GPC5: variants seen among roughly 807,000 people sequenced by gnomAD.
GPC5 encodes glypican-5.
In GPC5, 47 loss-of-function variants were observed where a neutral mutation model predicts 53.9. The observed-to-expected ratio is 0.87, with a 90% CI of 0.69 to 1.11. The LOEUF is 1.11. GPC5 is among the 50% of genes most tolerant of loss of function. The probability of loss-of-function intolerance (pLI) is 0.00; values close to 1 mark genes in which losing one functional copy is unlikely to be tolerated. For synonymous variants in GPC5, 286 were observed against 263.3 expected (o/e 1.09, Z -0.84); for missense variants, 748 against 713.1 (o/e 1.05, Z -0.56).
chr13:91,667,032 T>C (rs1452582620), intron 2 of GPC5, among the ~76,000 whole-genome samples: 1 of 152,222 alleles, frequency 6.6e-6, no homozygotes, highest in Non-Finnish European at 1.5e-5. Context: ...TAGAGAATTA[T>C]GTTTGCTGCT....
At chr13:91,994,555 A>C (rs1829404241) in intron 6 of GPC5, 1 of 152,174 alleles carries the variant, frequency 6.6e-6, no homozygotes, top group Non-Finnish European at 1.5e-5. Flanking sequence ...AATCATATCA[A>C]TTCACCTAAT....
At chr13:91,476,083 A>C (rs548714118) in intron 2 of GPC5, among the ~76,000 whole-genome samples, 1 of 152,192 alleles carries the variant, frequency 6.6e-6, no homozygotes, top group Non-Finnish European at 1.5e-5. Flanking sequence ...CTTTTTCAAC[A>C]TGGCACTATT....
At chr13:92,416,162 G>T (rs750151815) in intron 7 of GPC5, among the ~76,000 whole-genome samples, 1 of 152,148 alleles carries the variant, frequency 6.6e-6, no homozygotes, top group Non-Finnish European at 1.5e-5. Context: ...CAATAAAATG[G>T]CATTGTATCC....
chr13:91,801,950 C>T (rs1177031021), intron 5 of GPC5, among the ~76,000 whole-genome samples: 1 of 152,248 alleles, frequency 6.6e-6, no homozygotes, highest in South Asian at 2.1e-4. Flanking sequence ...TTCTTTGTTG[C>T]GTTTTCTGCC....
intron 7 of GPC5, among the ~76,000 whole-genome samples, chr13:92,146,373 TTTCA>T (rs1220448371): frequency 1.3e-5 from 2 of 152,252 alleles, no homozygotes; most frequent in East Asian, 1.9e-4. Context: ...AAAATGACTG[TTTCA>T]TTTATTTAGG....
chr13:91,756,982 G>T (rs1403841357), intron 5 of GPC5, among the ~76,000 whole-genome samples: 1 of 151,998 alleles, frequency 6.6e-6, no homozygotes, highest in Non-Finnish European at 1.5e-5. Context: ...TTGAGGCATT[G>T]TTCATTGATA....
At chr13:92,170,014 T>A (rs1006030588) in intron 7 of GPC5, among the ~76,000 whole-genome samples, 2 of 152,054 alleles carry the variant, frequency 1.3e-5, no homozygotes, top group African/African-American at 2.4e-5. Context: ...TACAATGGAA[T>A]AAACAGGAGA....
intron 7 of GPC5, among the ~76,000 whole-genome samples, chr13:92,245,560 G>A (rs1000513725): frequency 1.3e-5 from 2 of 152,094 alleles, no homozygotes; most frequent in Non-Finnish European, 2.9e-5. Flanking sequence ...CTGAACCTTA[G>A]TTTCTTTATA....
chr13:92,749,945 C>T (rs1253617871), intron 7 of GPC5, among the ~76,000 whole-genome samples: 11 of 152,086 alleles, frequency 7.2e-5, no homozygotes, highest in Non-Finnish European at 1.3e-4. Flanking sequence ...GTATCTGAAC[C>T]AAACTGTTTC....
chr13:92,181,464 T>C (rs2042146470), intron 7 of GPC5, among the ~76,000 whole-genome samples: 1 of 152,218 alleles, frequency 6.6e-6, no homozygotes, highest in Non-Finnish European at 1.5e-5. Context: ...AATACATGAA[T>C]CATTGCTATA....
intron 7 of GPC5, among the ~76,000 whole-genome samples, chr13:92,197,538 C>T (rs932499382): frequency 1.3e-5 from 2 of 152,010 alleles, no homozygotes; most frequent in Non-Finnish European, 2.9e-5. Flanking sequence ...CGCTTTTTCT[C>T]CCAGGATGGA....
chr13:91,478,879 C>T (rs1162284048), intron 2 of GPC5, among the ~76,000 whole-genome samples: 232 of 42,466 alleles, frequency 5.5e-3, no homozygotes, highest in Non-Finnish European at 9.1e-3. Context: ...TATATATACA[C>T]ATTATATATA....
intron 5 of GPC5, among the ~76,000 whole-genome samples, chr13:91,904,202 A>G (rs1594653390): frequency 9.2e-6 from 1 of 108,440 alleles, no homozygotes; most frequent in African/African-American, 3.8e-5. Context: ...GAGGTCTGTG[A>G]GTTTTATACT....
At chr13:92,150,906 AT>A (rs1317366895) in intron 7 of GPC5, among the ~76,000 whole-genome samples, 1 of 147,516 alleles carries the variant, frequency 6.8e-6, no homozygotes, top group South Asian at 2.2e-4. Flanking sequence ...AAAAAAAAAA[AT>A]TCAAGCAAAT....
At chr13:91,576,161 G>A (rs1191873265) in intron 2 of GPC5, among the ~76,000 whole-genome samples, 2 of 152,028 alleles carry the variant, frequency 1.3e-5, no homozygotes, top group East Asian at 3.9e-4. Flanking sequence ...TTAGGCAGGA[G>A]GAATAAATTC....
At position 91,848,517 on chromosome 13, in the gene GPC5, G is replaced by A. The variant is rs1263664876; in HGVS notation, c.1281-59420G>A. Among the ~76,000 whole-genome samples, 3 of 152,188 alleles carry A rather than the reference G, an allele frequency of 2.0e-5. No individual in the cohort carries two copies. In the East Asian group the frequency reaches 5.8e-4, roughly 29 times the overall value. On this transcript the variant is annotated intron_variant, in intron 5 of 7. Coordinates refer to ENST00000377067, the MANE Select transcript of GPC5 (RefSeq NM_004466.6). The stretch of plus-strand genomic sequence containing the variant: ...GCTCCAGCCTAAAGGATGGTTTTCT[G>A]AAGGGAGGTGGGCCTATAAGAGTTA...
chr13:92,760,008 A>G (rs1875094799), intron 7 of GPC5, among the ~76,000 whole-genome samples: 1 of 152,118 alleles, frequency 6.6e-6, no homozygotes, highest in African/African-American at 2.4e-5. Context: ...AGTGTGATGT[A>G]TAACATTGAC....
At chr13:91,879,114 G>A (rs9515985) in intron 5 of GPC5, among the ~76,000 whole-genome samples, 49,674 of 151,828 alleles carry the variant, frequency 0.33, 9,552 homozygotes, top group East Asian at 0.66. Context: ...CTATTATCAT[G>A]TACTCTCTTT....
At chr13:91,878,762 C>T (rs1329594584) in intron 5 of GPC5, among the ~76,000 whole-genome samples, 1 of 152,174 alleles carries the variant, frequency 6.6e-6, no homozygotes, top group African/African-American at 2.4e-5. Context: ...TTTCCTGAGA[C>T]CTCCCCAGCC....
Sources: allele counts gnomAD v4.1 joint callset (sites outside exome capture counted in the v4.1 genomes callset), GRCh38; gene constraint gnomAD v4.1.1; transcripts MANE v1.5; gene names NCBI Gene and HGNC (gene_info 2026-07-23, HGNC 2026-07-21).